The following BABAM2 variants were observed in gnomAD, a reference collection of about 807,000 sequenced individuals.
BABAM2 encodes the protein BRISC and BRCA1-A complex member 2.
BABAM2 carries 31 observed loss-of-function variants against 54.7 expected under a neutral mutation model. The observed-to-expected ratio is 0.57, with a 90% CI of 0.43 to 0.77. The LOEUF (loss-of-function observed/expected upper bound fraction) is 0.77, where lower values mean the gene tolerates loss of function less well. BABAM2 is among the 30% of genes least tolerant of loss of function. The pLI, the probability that BABAM2 is intolerant of heterozygous loss-of-function variation, is 0.00. For synonymous variants in BABAM2, 167 were observed against 162.9 expected, an observed-to-expected ratio of 1.03 and a Z score of -0.19; for missense variants, 364 against 455.8, an observed-to-expected ratio of 0.80 and a Z score of 1.83.
intron 1 of BABAM2, among the ~76,000 whole-genome samples, chr2:27,892,141 C>G (rs1211494204): frequency 1.3e-5 from 2 of 152,118 alleles, no homozygotes; most frequent in African/African-American, 2.4e-5. Flanking sequence ...TTGGAGAATC[C>G]GGATTTGGAT....
At chr2:27,943,865 G>T (rs960442817) in intron 3 of BABAM2, among the ~76,000 whole-genome samples, 1 of 152,126 alleles carries the variant, frequency 6.6e-6, no homozygotes, top group African/African-American at 2.4e-5. Context: ...TCATTGAAAG[G>T]CAAGTAAAGA....
rs150968250 is a variant in BABAM2 at position 28,185,503 on chromosome 2, A to G, written c.681-51699A>G. Among the ~76,000 whole-genome samples the G allele has an allele frequency of 5.4e-3, 818 of 152,340 alleles. 4 individuals carry two copies. The highest frequency in any genetic ancestry group is 0.019 in the African/African-American group (773 of 41,580). The stretch of plus-strand genomic sequence containing the variant: ...TTTGGAGCTGACTTGGATTCCTGCA[A>G]TACTAAACTCGAGTCATATTGAAAA... On this transcript the variant is annotated intron_variant, in intron 7 of 11. Coordinates refer to ENST00000379624, the MANE Select transcript of BABAM2 (RefSeq NM_199191.3).
intron 6 of BABAM2, among the ~76,000 whole-genome samples, chr2:28,048,025 C>G (rs1399233832): frequency 6.6e-6 from 1 of 152,180 alleles, no homozygotes; most frequent in African/African-American, 2.4e-5. Flanking sequence ...TGCTCCTCAT[C>G]TAATTACTAG....
chr2:28,044,461 C>T (rs978157377), intron 5 of BABAM2, among the ~76,000 whole-genome samples: 1 of 152,132 alleles, frequency 6.6e-6, no homozygotes, highest in Non-Finnish European at 1.5e-5. Context: ...GATGTCCTGA[C>T]CGTGGGTGAT....
chr2:28,331,734 T>C lies in BABAM2; in HGVS notation c.1089-6716T>C, dbSNP rs1196226266. Among the ~76,000 whole-genome samples, 4 of 152,364 alleles carry C rather than the reference T, an allele frequency of 2.6e-5. No individual in the cohort carries two copies. The East Asian group carries it at 7.7e-4, about 29-fold the overall frequency. On this transcript the variant is annotated intron_variant, in intron 11 of 11. Transcript: ENST00000379624. The stretch of plus-strand genomic sequence containing the variant: ...ACTGTTGGTGGGAATGTAAATTAGT[T>C]TGGCCATTGTGGAAGACAGTATGGC...
intron 7 of BABAM2, among the ~76,000 whole-genome samples, chr2:28,176,841 CAAAAA>C (rs370551860): frequency 2.0e-5 from 1 of 49,390 alleles, no homozygotes. Context: ...CCAGTCAGAA[CAAAAA>C]AAAAAAAAAA....
At chr2:28,023,452 G>A (rs1282052042) in intron 4 of BABAM2, among the ~76,000 whole-genome samples, 1 of 152,116 alleles carries the variant, frequency 6.6e-6, no homozygotes, top group Non-Finnish European at 1.5e-5. Context: ...AGTTCTATAC[G>A]GTGCTGTTAT....
intron 3 of BABAM2, among the ~76,000 whole-genome samples, chr2:27,947,862 A>G (rs1669415903): frequency 6.6e-6 from 1 of 152,190 alleles, no homozygotes; most frequent in Non-Finnish European, 1.5e-5. Flanking sequence ...TTTCTCTTTT[A>G]AATTGCCCTT....
intron 10 of BABAM2, among the ~76,000 whole-genome samples, chr2:28,280,634 G>A (rs114079408): frequency 6.6e-6 from 1 of 152,140 alleles, no homozygotes; most frequent in Non-Finnish European, 1.5e-5. Context: ...TAGACCTGGG[G>A]TTCACACATC....
intron 7 of BABAM2, among the ~76,000 whole-genome samples, chr2:28,129,964 A>C (rs1331211586): frequency 6.6e-6 from 1 of 152,242 alleles, no homozygotes; most frequent in African/African-American, 2.4e-5. Flanking sequence ...AACATTATTC[A>C]TCAGTAATGA....
intron 10 of BABAM2, among the ~76,000 whole-genome samples, chr2:28,296,846 C>T (rs1396824608): frequency 1.3e-5 from 2 of 152,054 alleles, no homozygotes; most frequent in Non-Finnish European, 2.9e-5. Context: ...TGCCACCACG[C>T]CTTGCTAATT....
At chr2:28,177,450 G>A (rs1367502774) in intron 7 of BABAM2, among the ~76,000 whole-genome samples, 3 of 148,368 alleles carry the variant, frequency 2.0e-5, no homozygotes, top group Non-Finnish European at 4.4e-5. Flanking sequence ...CTATCATCAT[G>A]AAAACACCCA....
intron 3 of BABAM2, among the ~76,000 whole-genome samples, chr2:27,949,604 A>G (rs188784906): frequency 7.4e-4 from 112 of 152,264 alleles, no homozygotes; most frequent in African/African-American, 2.7e-3. Flanking sequence ...TTTCTCTTTG[A>G]AGGTCAGATA....
intron 6 of BABAM2, among the ~76,000 whole-genome samples, chr2:28,046,784 C>T (rs1031681649): frequency 2.2e-4 from 33 of 150,980 alleles, no homozygotes; most frequent in Admixed American, 1.8e-3. Flanking sequence ...TAATACATTC[C>T]ATCTTTTTTT....
At chr2:28,002,792 C>T (rs1339151921) in intron 4 of BABAM2, among the ~76,000 whole-genome samples, 1 of 152,102 alleles carries the variant, frequency 6.6e-6, no homozygotes, top group African/African-American at 2.4e-5. Context: ...TGTTTAAAAT[C>T]CTATACCTAG....
intron 2 of BABAM2, chr2:27,896,986 C>T (rs1558568983): frequency 6.4e-6 from 1 of 155,266 alleles, no homozygotes; most frequent in East Asian, 1.9e-4. Flanking sequence ...TCGGTCTGCA[C>T]CCTCTCTGCA....
intron 5 of BABAM2, among the ~76,000 whole-genome samples, chr2:28,027,778 A>T (rs955520546): frequency 1.3e-5 from 2 of 152,232 alleles, no homozygotes; most frequent in African/African-American, 4.8e-5. Flanking sequence ...ATTCGTGTGT[A>T]AGTATTGGTA....
chr2:28,042,892 C>T (rs1184974686), intron 5 of BABAM2, among the ~76,000 whole-genome samples: 3 of 151,550 alleles, frequency 2.0e-5, no homozygotes, highest in East Asian at 4.0e-4. Context: ...GGCGTGGTGG[C>T]GGGCGCCTGT....
intron 10 of BABAM2, among the ~76,000 whole-genome samples, chr2:28,269,136 C>A (rs1185813876): frequency 8.5e-5 from 13 of 152,344 alleles, no homozygotes; most frequent in Non-Finnish European, 1.8e-4. Context: ...CATATCAAAT[C>A]TCTTTTATCT....
Sources: allele counts gnomAD v4.1 joint callset (sites outside exome capture counted in the v4.1 genomes callset), GRCh38; gene constraint gnomAD v4.1.1; transcripts MANE v1.5; gene names NCBI Gene and HGNC (gene_info 2026-07-23, HGNC 2026-07-21).